Variants in FGD4 observed in about 807,000 individuals in gnomAD.
The protein encoded by FGD4 is FYVE, RhoGEF and PH domain-containing protein 4.
Under a neutral mutation model 102.0 loss-of-function variants are expected in FGD4, and 42 were observed. That is an observed-to-expected ratio of 0.41 (90% confidence interval 0.32 to 0.53). FGD4 has a LOEUF of 0.53. Among genes scored for constraint, FGD4 ranks in the 20% least tolerant of loss-of-function variants. FGD4 has a pLI of 0.21. For missense variants in FGD4, 902 were observed against 1,078.2 expected, an observed-to-expected ratio of 0.84 and a Z score of 2.29; for synonymous variants, 380 against 375.7, an observed-to-expected ratio of 1.01 and a Z score of -0.13.
At chr12:32,576,152 C>A (rs1377220424) in intron 2 of FGD4, 114 bp from the exon 3 acceptor site, 2 of 1,060,148 alleles carry the variant, frequency 1.9e-6, no homozygotes, top group Non-Finnish European at 1.4e-6. Flanking sequence ...TTGACACCTG[C>A]CCCCTTTACA....
chr12:32,465,236 AAC>A (rs1943219461), intron 1 of FGD4, among the ~76,000 whole-genome samples: 1 of 151,790 alleles, frequency 6.6e-6, no homozygotes, highest in African/African-American at 2.4e-5. Context: ...TGATAACATA[AAC>A]AGTCGATTAA....
chr12:32,451,639 C>T (rs1413989967), intron 1 of FGD4, among the ~76,000 whole-genome samples: 2 of 151,486 alleles, frequency 1.3e-5, no homozygotes, highest in East Asian at 3.9e-4. Context: ...CTCGATGGCT[C>T]ACACCTGTAA....
chr12:32,435,498 A>AGTGTGTGTGTGTGTGTGTGT lies in FGD4; in HGVS notation c.166+35540_166+35559dup, dbSNP rs3076971. ...AATAAATGCTAGCTACAATTAAAAA[A>AGTGTGTGTGTGTGTGTGTGT]GTGTGTGTGTGTGTGTGTGTTTTAA... On this transcript the variant is annotated intron_variant, in intron 1 of 16. Coordinates refer to ENST00000534526, the MANE Select transcript of FGD4 (RefSeq NM_001370298.3). Among the ~76,000 whole-genome samples the AGTGTGTGTGTGTGTGTGTGT allele has an allele frequency of 5.2e-3, 774 of 149,698 alleles. 3 individuals carry two copies. Among genetic ancestry groups the AGTGTGTGTGTGTGTGTGTGT allele is most frequent in the East Asian group, 0.02 (102 of 5,074 alleles).
chr12:32,453,191 A>ATATATATTT (rs1942833244), intron 1 of FGD4, among the ~76,000 whole-genome samples: 1 of 38,856 alleles, frequency 2.6e-5, no homozygotes, highest in Non-Finnish European at 1.1e-4. Flanking sequence ...TATATATTTT[A>ATATATATTT]TATATATATT....
chr12:32,623,847 T>G (rs558262616), intron 11 of FGD4, among the ~76,000 whole-genome samples: 1 of 152,348 alleles, frequency 6.6e-6, no homozygotes, highest in South Asian at 2.1e-4. Context: ...TATTAATCTG[T>G]AAAACCTCCT....
intron 1 of FGD4, among the ~76,000 whole-genome samples, chr12:32,478,508 T>C (rs1943641775): frequency 1.3e-5 from 2 of 152,238 alleles, no homozygotes; most frequent in East Asian, 1.9e-4. Context: ...TCAGGTGATC[T>C]GCCCACCTTG....
chr12:32,617,282 C>T (rs1949508236), intron 10 of FGD4, among the ~76,000 whole-genome samples: 1 of 152,184 alleles, frequency 6.6e-6, no homozygotes, highest in African/African-American at 2.4e-5. Context: ...ATTCTTGGCT[C>T]TTTGGAGTTT....
intron 1 of FGD4, among the ~76,000 whole-genome samples, chr12:32,480,648 G>C (rs553975593): frequency 3.3e-5 from 5 of 151,100 alleles, no homozygotes; most frequent in South Asian, 2.1e-4. Context: ...TTACAGGCAC[G>C]CACCACCATG....
At chr12:32,455,548 A>C (rs887257043) in intron 1 of FGD4, among the ~76,000 whole-genome samples, 7 of 152,180 alleles carry the variant, frequency 4.6e-5, no homozygotes, top group Non-Finnish European at 8.8e-5. Context: ...ATTTTAACGT[A>C]CAAAGGTATT....
At chr12:32,547,430 C>CA (rs2136169520) in intron 1 of FGD4, among the ~76,000 whole-genome samples, 1 of 152,164 alleles carries the variant, frequency 6.6e-6, no homozygotes, top group African/African-American at 2.4e-5. Flanking sequence ...CATGTAAAAA[C>CA]AAAAAATACA....
rs575800504 is a variant in FGD4 at position 32,593,599 on chromosome 12, G to A, written c.1012-4898G>A. On this transcript the variant is annotated intron_variant, in intron 4 of 16. Transcript: ENST00000534526. ...TAAAGCATGCTTTGCAGTCAGCAAAGATTATTCTGATAAGCTTCCTATTTA... is the reference window on the plus strand; with the variant it reads ...TAAAGCATGCTTTGCAGTCAGCAAAAATTATTCTGATAAGCTTCCTATTTA... Among the ~76,000 whole-genome samples, 5 of 152,332 alleles carry A rather than the reference G, an allele frequency of 3.3e-5. No homozygotes were observed. In the East Asian group the frequency reaches 7.7e-4, roughly 24 times the overall value.
At chr12:32,412,856 A>G (rs1941259350) in intron 1 of FGD4, among the ~76,000 whole-genome samples, 1 of 149,346 alleles carries the variant, frequency 6.7e-6, no homozygotes, top group Non-Finnish European at 1.5e-5. Context: ...CTGGGATTAC[A>G]GGCATGAGCC....
chr12:32,469,906 G>A (rs984660402), intron 1 of FGD4, among the ~76,000 whole-genome samples: 4 of 151,808 alleles, frequency 2.6e-5, no homozygotes, highest in African/African-American at 7.3e-5. Flanking sequence ...TGATCTTCCC[G>A]CCTCGGCCTC....
rs551302917 is a variant in FGD4 at position 32,638,931 on chromosome 12, AAAGTT to A, written c.2454+137_2454+141del. 272 of 1,513,724 alleles carry A rather than the reference AAAGTT, an allele frequency of 1.8e-4. 2 individuals carry two copies. In the South Asian group the frequency reaches 3.5e-3, roughly 19 times the overall value. 93.8% of individuals were successfully genotyped at this position (1,513,724 alleles called of 1,614,324 possible). ...TCATTAAAATTGAAAAATAATGAGTAAAGTTCAAGTTTGTTGTTTAAGCTGATTGA... is the reference window on the plus strand; with the variant it reads ...TCATTAAAATTGAAAAATAATGAGTACAAGTTTGTTGTTTAAGCTGATTGA... On this transcript the variant is annotated intron_variant, in intron 16 of 16. Coordinates refer to ENST00000534526, the MANE Select transcript of FGD4 (RefSeq NM_001370298.3).
At chr12:32,550,450 G>T (rs117355430) in intron 1 of FGD4, among the ~76,000 whole-genome samples, 1,924 of 152,074 alleles carry the variant, frequency 0.013, 26 homozygotes, top group Non-Finnish European at 0.023. Context: ...CAGTAGGATC[G>T]CTTGAGCCCA....
chr12:32,428,442 CTGA>C (rs1207092445), intron 1 of FGD4, among the ~76,000 whole-genome samples: 2 of 152,178 alleles, frequency 1.3e-5, no homozygotes, highest in East Asian at 3.8e-4. Context: ...TGCTATTAGT[CTGA>C]TGGGCTTTCC....
intron 1 of FGD4, chr12:32,486,033 G>T (rs1262354213): frequency 8.1e-6 from 12 of 1,475,168 alleles, no homozygotes; most frequent in Non-Finnish European, 1.1e-5. Context: ...AATACAGAAT[G>T]CCTATAGTTT....
chr12:32,573,589 AT>A (rs745954176), intron 2 of FGD4, among the ~76,000 whole-genome samples: 148 of 152,292 alleles, frequency 9.7e-4, no homozygotes, highest in Admixed American at 3.9e-3. Flanking sequence ...AAGTGATAGA[AT>A]TTTTTCTAAG....
chr12:32,453,200 T>TTTTATATATATATATATATATA (rs1470836726), intron 1 of FGD4, among the ~76,000 whole-genome samples: 2 of 64,590 alleles, frequency 3.1e-5, no homozygotes, highest in African/African-American at 1.0e-4. Flanking sequence ...TATATATATA[T>TTTTATATATATATATATATATA]TATATATATA....
Sources: gnomAD v4.1 joint callset for allele counts (sites outside exome capture counted in the v4.1 genomes callset) on GRCh38, gnomAD v4.1.1 for gene constraint, MANE v1.5 for transcripts, NCBI Gene and HGNC (gene_info 2026-07-23, HGNC 2026-07-21) for gene names.